CTU2: variants seen among roughly 807,000 people sequenced by gnomAD.
CTU2 encodes the protein cytoplasmic tRNA 2-thiolation protein 2.
CTU2 carries 80 observed loss-of-function variants against 64.1 expected under a neutral mutation model. The observed-to-expected ratio is 1.25, with a 90% confidence interval of 1.04 to 1.50. The LOEUF is 1.50. CTU2 is among the 40% of genes most tolerant of loss of function. The pLI, the probability that CTU2 is intolerant of heterozygous loss-of-function variation, is 0.00. For synonymous variants in CTU2, 482 were observed against 285.3 expected (o/e 1.69, Z -6.95); for missense variants, 1,110 against 690.2 (o/e 1.61, Z -6.81).
chr16:88,711,700 G>T lies in CTU2; in HGVS notation c.343+5G>T, dbSNP rs762720221. 1.2e-5 allele frequency: 19 copies of T among 1,608,260 alleles called. No homozygotes were observed. In the Admixed American group the frequency reaches 1.3e-4, roughly 11 times the overall value. ...CAGGAGTCATCTTTGTTGACGGTATGTGGGGCCATTGCTCCTCCTAGTCCC... is the reference window on the plus strand; with the variant it reads ...CAGGAGTCATCTTTGTTGACGGTATTTGGGGCCATTGCTCCTCCTAGTCCC... On this transcript the variant is annotated splice_donor_5th_base_variant and intron_variant, in intron 5 of 14. Coordinates refer to ENST00000453996, the MANE Select transcript of CTU2 (RefSeq NM_001012759.3).
At position 88,713,674 on chromosome 16, in the gene CTU2, G is replaced by T. The variant is rs747638371; in HGVS notation, c.901G>T (p.Val301Leu). The T allele has an allele frequency of 6.2e-7, 1 of 1,612,332 alleles. No individual in the cohort carries two copies. The highest frequency in any genetic ancestry group is 2.2e-5 in the East Asian group (1 of 44,862). ...CTTCTCGGATGAGCGGCACGGGGAC[G>T]TGGTGGTGGTGCGGCCCATGCGGGA... is the stretch of plus-strand genomic sequence containing the variant. ...TGFSDERHGD[V>L]VVVRPMRDHT... Residue 301 changes from valine (V) to leucine (L), a missense_variant, in exon 9 of 15, where the codon GTG (valine) becomes TTG (leucine). By Grantham distance (32) the Val-to-Leu change is conservative (BLOSUM62 1). Coordinates refer to ENST00000453996, the MANE Select transcript of CTU2 (RefSeq NM_001012759.3).
chr16:88,714,032 GT>G (rs1278942399), intron 9 of CTU2, 103 bp from the exon 10 acceptor site: 2 of 1,205,314 alleles, frequency 1.7e-6, no homozygotes, highest in Non-Finnish European at 2.4e-6. Flanking sequence ...CCAGACCCAT[GT>G]GGGCCAGCAG....
chr16:88,715,296 T>G lies in CTU2; in HGVS notation c.*45T>G, dbSNP rs1911892037. ...GGGACAGCAGGCAGTGGCCACCTGG[T>G]ACACCACACTGGAGCCGGAAGGCAA... is the stretch of plus-strand genomic sequence containing the variant. On this transcript the variant is annotated 3_prime_UTR_variant, in exon 15 of 15. Coordinates refer to ENST00000453996, the MANE Select transcript of CTU2 (RefSeq NM_001012759.3). 1 of 1,590,448 alleles carries G rather than the reference T, an allele frequency of 6.3e-7. No individual in the cohort carries two copies. The highest frequency in any genetic ancestry group is 8.6e-7 in the Non-Finnish European group (1 of 1,167,674).
chr16:88,706,782 C>T (rs866234139), intron 1 of CTU2, 184 bp downstream of exon 1: 1 of 528,254 alleles, frequency 1.9e-6, no homozygotes, highest in Admixed American at 3.7e-5. Context: ...ACTCCACTGG[C>T]TCGCGCCTCT....
At chr16:88,707,938 G>A (rs934505734) in intron 2 of CTU2, among the ~76,000 whole-genome samples, 7 of 152,088 alleles carry the variant, frequency 4.6e-5, no homozygotes, top group African/African-American at 1.4e-4. Flanking sequence ...AGCCTCCTGA[G>A]TAGCTGGGAT....
rs200076111 is a variant in CTU2, at chr16:88,714,438, G to A, written c.1153G>A (p.Gly385Ser). The A allele has an allele frequency of 2.6e-4, 416 of 1,612,524 alleles. 3 individuals carry two copies. In the East Asian group the frequency reaches 3.2e-3, roughly 13 times the overall value. The part of the protein sequence containing the change: ...PRDGPAAGDS[G>S]PRCLLCMCAL... ...GGATGGCCCTGCTGCTGGCGACTCC[G>A]GCCCCCGCTGCCTCCTCTGCATGTG... The change falls in exon 11 of 15, where the codon GGC (glycine) becomes AGC (serine). Residue 385 changes from glycine (G) to serine (S), a missense_variant. Gly to Ser is a moderately conservative substitution (Grantham distance 56, BLOSUM62 0). Transcript: ENST00000453996.
intron 2 of CTU2, among the ~76,000 whole-genome samples, chr16:88,707,945 G>A (rs1911023181): frequency 1.3e-5 from 2 of 152,034 alleles, no homozygotes. Flanking sequence ...TGAGTAGCTG[G>A]GATTACAGGT....
intron 5 of CTU2, chr16:88,712,037 A>G (rs1911363881): frequency 3.1e-6 from 2 of 655,536 alleles, no homozygotes; most frequent in East Asian, 5.4e-5. Context: ...CCAGGGGCCG[A>G]CTCCCCGACC....
intron 9 of CTU2, 80 bp from the exon 10 acceptor site, chr16:88,714,056 G>A (rs932996175): frequency 2.2e-5 from 31 of 1,386,578 alleles, no homozygotes; most frequent in African/African-American, 5.7e-5. Context: ...TGGAACCCAC[G>A]GCACCTGTCC....
At chr16:88,713,871 A>G in intron 9 of CTU2, 93 bp downstream of exon 9, 1 of 1,519,748 alleles carries the variant, frequency 6.6e-7, no homozygotes, top group Non-Finnish European at 9.0e-7. Context: ...GGTCACCAGC[A>G]CACCTTCAGT....
intron 4 of CTU2, 21 bp from the exon 5 acceptor site, chr16:88,711,614 C>T (rs1035720413): frequency 5.1e-6 from 8 of 1,584,098 alleles, no homozygotes; most frequent in Non-Finnish European, 6.0e-6. Flanking sequence ...GGGGCTGAGT[C>T]CCTGCTGCTT....
Position 88,707,118 on chromosome 16 carries a change from C to G in CTU2, c.69-18C>G. The stretch of plus-strand genomic sequence containing the variant: ...TGTGATCTGTGTTTCTCTCTTCTCC[C>G]CCCTCCCATCTCCAAAGCCGTGAGC... On this transcript the variant is annotated intron_variant, in intron 1 of 14. Transcript: ENST00000453996. 1 of 1,612,398 alleles carries G rather than the reference C, an allele frequency of 6.2e-7. No individual in the cohort carries two copies.
rs1258506935 is a variant in CTU2, at chr16:88,706,855, T to G, written c.68+257T>G. 1.1e-5 allele frequency: 6 copies of G among 559,718 alleles called. No homozygotes were observed. The East Asian group carries it at 1.4e-4, about 13-fold the overall frequency. The allele number at this position is 559,718 out of a possible 1,614,324, so 34.7% of individuals were successfully genotyped here. On this transcript the variant is annotated intron_variant, in intron 1 of 14. Transcript: ENST00000453996. Reference sequence around the variant, plus strand: ...AGTGCTGTCCTTATTCGGAGAGAACTGGTGCCGTGAAGCTGTCTCGCCTCC... The same window carrying G: ...AGTGCTGTCCTTATTCGGAGAGAACGGGTGCCGTGAAGCTGTCTCGCCTCC...
rs1377228805 is a variant in CTU2, at chr16:88,706,563, G to C, written c.33G>C (p.Pro11=). The C allele has an allele frequency of 2.7e-6, 4 of 1,456,946 alleles. No individual in the cohort carries two copies. The South Asian group carries it at 4.0e-5, about 14-fold the overall frequency. 90.3% of individuals were successfully genotyped at this position (1,456,946 alleles called of 1,614,324 possible). ...AGGTGGGCGAGGACTACGGGGAGCC[G>C]GCGCCTGAGGAGCCGCCCCCGGCGC... MCQVGEDYGE[P]APEEPPPAPR... The change falls in exon 1 of 15, where the codon CCG becomes CCC. Residue 11 remains proline (P), a synonymous_variant. Coordinates refer to ENST00000453996, the MANE Select transcript of CTU2 (RefSeq NM_001012759.3).
chr16:88,715,117 CCA>C lies in CTU2; in HGVS notation c.1478+15_1478+16del. 6.3e-7 allele frequency: 1 copy of C among 1,595,962 alleles called. No homozygotes were observed. The highest frequency in any genetic ancestry group is 1.1e-5 in the South Asian group (1 of 88,554). On this transcript the variant is annotated intron_variant, in intron 14 of 14. Coordinates refer to ENST00000453996, the MANE Select transcript of CTU2 (RefSeq NM_001012759.3). The stretch of plus-strand genomic sequence containing the variant: ...GCTCCGCACACAGAGGTACTGGGGC[CCA>C]CACTGCCGTGGCGCGTGGGTAAGGG...
chr16:88,711,789 C>T (rs1422948148), intron 5 of CTU2, 94 bp downstream of exon 5: 3 of 1,219,014 alleles, frequency 2.5e-6, no homozygotes, highest in East Asian at 2.4e-5. Context: ...TGGTGCCGGT[C>T]CTCCCTCTGG....
intron 8 of CTU2, 45 bp downstream of exon 8, chr16:88,713,492 C>G (rs758348583): frequency 1.3e-6 from 2 of 1,553,680 alleles, no homozygotes; most frequent in Admixed American, 2.1e-5. Context: ...CTCACCTTCA[C>G]CCCTTCGGCC....
chr16:88,710,743 C>T (rs1026753503), intron 4 of CTU2: 2 of 171,678 alleles, frequency 1.2e-5, no homozygotes, highest in Non-Finnish European at 2.5e-5. Context: ...AAAGCTGCAT[C>T]TTGGCTCAGC....
intron 3 of CTU2, 48 bp downstream of exon 3, chr16:88,710,064 G>C (rs1394230982): frequency 5.0e-6 from 8 of 1,603,478 alleles, no homozygotes; most frequent in African/African-American, 2.7e-5. Flanking sequence ...GGCCCCTCGA[G>C]GTCCCTGCTT....
Sources: gnomAD v4.1 joint callset for allele counts (sites outside exome capture counted in the v4.1 genomes callset) on GRCh38, gnomAD v4.1.1 for gene constraint, MANE v1.5 for transcripts, NCBI Gene and HGNC (gene_info 2026-07-23, HGNC 2026-07-21) for gene names.